The following DIXDC1 variants were observed in gnomAD, a reference collection of about 807,000 sequenced individuals.
The protein encoded by DIXDC1 is DIX domain containing 1.
DIXDC1 carries 64 observed loss-of-function variants against 103.1 expected under a neutral mutation model. That is an observed-to-expected ratio of 0.62 (90% CI 0.51 to 0.76). The LOEUF is 0.76. Among genes scored for constraint, DIXDC1 ranks in the 30% least tolerant of loss-of-function variants. The probability of loss-of-function intolerance (pLI) is 0.00; values close to 1 mark genes in which losing one functional copy is unlikely to be tolerated. For missense variants in DIXDC1, 759 were observed against 834.2 expected (o/e 0.91, Z 1.11); for synonymous variants, 266 against 298.5 (o/e 0.89, Z 1.12).
At chr11:111,982,092 G>A (rs1555173280) in intron 6 of DIXDC1, 1 of 325,198 alleles carries the variant, frequency 3.1e-6, no homozygotes, top group African/African-American at 2.1e-5. Flanking sequence ...CCCGTGGAGG[G>A]AATCTTAATA....
chr11:111,935,578 T>G (rs1966164285), upstream of DIXDC1, among the ~76,000 whole-genome samples: 1 of 152,232 alleles, frequency 6.6e-6, no homozygotes. Context: ...TTTTGCATCA[T>G]TATGCACGTA....
chr11:111,998,166 TTTC>T lies in DIXDC1; in HGVS notation c.1756+2030_1756+2032del, dbSNP rs1189038034. Among the ~76,000 whole-genome samples the T allele has an allele frequency of 6.6e-6, 1 of 152,246 alleles. No individual in the cohort carries two copies. The highest frequency in any genetic ancestry group is 1.5e-5 in the Non-Finnish European group (1 of 68,042). The stretch of plus-strand genomic sequence containing the variant: ...TATTCTCTAAAAGTCTCCTGGAAAC[TTTC>T]TTCTTCTTCAGTTTCAGTGTCATTC... On this transcript the variant is annotated intron_variant, in intron 17 of 19. Coordinates refer to ENST00000440460, the MANE Select transcript of DIXDC1 (RefSeq NM_001037954.4). The surrounding 1 kb of genome is among the most constrained non-coding windows in gnomAD (Gnocchi z 4.1).
intron 4 of DIXDC1, among the ~76,000 whole-genome samples, chr11:111,974,544 G>A (rs1251338417): frequency 2.0e-5 from 3 of 152,170 alleles, no homozygotes; most frequent in African/African-American, 7.2e-5. Context: ...TCTTCACTGG[G>A]AGGTCCGTGG....
rs587633034 is a variant in DIXDC1, at chr11:111,977,467, G to A, written c.656+2484G>A. The A allele has an allele frequency of 4.8e-4, 625 of 1,295,784 alleles. 2 individuals are homozygous for A. In the African/African-American group the frequency reaches 9.0e-3, roughly 19 times the overall value. 80.3% of individuals were successfully genotyped at this position (1,295,784 alleles called of 1,614,324 possible). A position where few individuals can be genotyped will look rare whatever the true frequency, so the allele number is the denominator to read the frequency against. ...CGGAGGCCAAGATGCAGCGGCCAGGGGCCGGCAGCCTGCGAGGGGAGGCAG... is the reference window on the plus strand; with the variant it reads ...CGGAGGCCAAGATGCAGCGGCCAGGAGCCGGCAGCCTGCGAGGGGAGGCAG... On this transcript the variant is annotated intron_variant, in intron 5 of 19. Coordinates refer to ENST00000440460, the MANE Select transcript of DIXDC1 (RefSeq NM_001037954.4). This position sits in a 1 kb window ranked among gnomAD's most constrained non-coding sequence, Gnocchi z 6.1.
chr11:111,982,178 T>G, intron 6 of DIXDC1, 161 bp from the exon 7 acceptor site: 1 of 655,788 alleles, frequency 1.5e-6, no homozygotes. Context: ...CAGCCAATTC[T>G]TTAGGCCTCA....
chr11:111,959,172 A>G (rs1307418453), intron 1 of DIXDC1, among the ~76,000 whole-genome samples: 2 of 152,208 alleles, frequency 1.3e-5, no homozygotes, highest in East Asian at 1.9e-4. Context: ...TAACACCAAC[A>G]GGTCTGAAAC....
At chr11:111,932,869 T>A (rs990237791), upstream of DIXDC1, among the ~76,000 whole-genome samples, 22 of 152,194 alleles carry the variant, frequency 1.4e-4, no homozygotes, top group African/African-American at 5.1e-4. Context: ...TGTATATTTA[T>A]GTGTAACTGT....
intron 1 of DIXDC1, among the ~76,000 whole-genome samples, chr11:111,938,551 T>A (rs2096521603): frequency 6.6e-6 from 1 of 152,218 alleles, no homozygotes; most frequent in Admixed American, 6.5e-5. Flanking sequence ...AATATGAGCA[T>A]TTGATAGGCA....
rs587696500 is a variant in DIXDC1 at position 111,952,037 on chromosome 11, T to A, written c.61-12512T>A. ...TGTGCCACCACACCTGGCTAATTTT[T>A]GTATTTTTAGTACAGATGGGGTTTC... On this transcript the variant is annotated intron_variant, in intron 1 of 19. Coordinates refer to ENST00000440460, the MANE Select transcript of DIXDC1 (RefSeq NM_001037954.4). Among the ~76,000 whole-genome samples, 3 of 152,222 alleles carry A rather than the reference T, an allele frequency of 2.0e-5. No individual in the cohort carries two copies. The South Asian group carries it at 6.2e-4, about 32-fold the overall frequency.
chr11:111,953,570 G>A (rs1222511830), intron 1 of DIXDC1, among the ~76,000 whole-genome samples: 1 of 152,114 alleles, frequency 6.6e-6, no homozygotes, highest in African/African-American at 2.4e-5. Flanking sequence ...CCCGGGAGGT[G>A]GAGGTTGTAG....
intron 17 of DIXDC1, among the ~76,000 whole-genome samples, chr11:111,999,580 T>C (rs1260292282): frequency 6.6e-6 from 1 of 152,128 alleles, no homozygotes; most frequent in Admixed American, 6.6e-5. Context: ...AAAGATAAAA[T>C]TGGGCTGGGC....
At chr11:112,002,136 C>T (rs991482656) in intron 17 of DIXDC1, among the ~76,000 whole-genome samples, 1 of 151,928 alleles carries the variant, frequency 6.6e-6, no homozygotes, top group South Asian at 2.1e-4. Context: ...AATTTGCACC[C>T]ACTTGCAGAC....
intron 17 of DIXDC1, among the ~76,000 whole-genome samples, chr11:112,013,724 T>C (rs1433621843): frequency 2.6e-5 from 4 of 152,180 alleles, no homozygotes; most frequent in African/African-American, 9.7e-5. Context: ...GGCTACATCT[T>C]TCCTATCATC....
At position 112,021,956 on chromosome 11, in the gene DIXDC1, G is replaced by A. The variant is rs1861773333; in HGVS notation, c.*2920G>A. On this transcript the variant is annotated 3_prime_UTR_variant, in exon 20 of 20. Transcript: ENST00000440460. ...ATCATGCCACTGCACTCTAGCCTAG[G>A]CTACAGAGCAGGACCCCATCTCCAA... The A allele has an allele frequency of 6.9e-6, 1 of 144,984 alleles. No homozygotes were observed. The highest frequency in any genetic ancestry group is 1.5e-5 in the Non-Finnish European group (1 of 67,292). 9.0% of individuals were successfully genotyped at this position (144,984 alleles called of 1,614,324 possible).
rs7936048 is a variant in DIXDC1, at chr11:111,985,343, T to C, written c.1008+22T>C. On this transcript the variant is annotated intron_variant, in intron 8 of 19. Coordinates refer to ENST00000440460, the MANE Select transcript of DIXDC1 (RefSeq NM_001037954.4). ...ACTGGTGAGCTCCATCTTTTGTGAT[T>C]GGACACTAAATCTGTATGTATTTTA... The C allele has an allele frequency of 2.5e-4, 397 of 1,585,206 alleles. 1 individual carries two copies. In the African/African-American group the frequency reaches 4.8e-3, roughly 19 times the overall value.
intron 17 of DIXDC1, among the ~76,000 whole-genome samples, chr11:112,001,723 C>T (rs976948550): frequency 6.6e-6 from 1 of 151,614 alleles, no homozygotes; most frequent in African/African-American, 2.4e-5. Flanking sequence ...GAAGATGGGG[C>T]CACTATACAA....
At chr11:111,974,329 A>G (rs1860029606) in intron 4 of DIXDC1, 75 bp downstream of exon 4, 2 of 1,407,274 alleles carry the variant, frequency 1.4e-6, no homozygotes, top group African/African-American at 1.4e-5. Context: ...ACAGTGCAGT[A>G]GATAGAAACG....
At position 112,022,421 on chromosome 11, in the gene DIXDC1, T is replaced by C. The variant is rs587740907; in HGVS notation, c.*3385T>C. The C allele has an allele frequency of 9.2e-4, 140 of 152,780 alleles. 1 individual carries two copies. The highest frequency in any genetic ancestry group is 3.0e-3 in the African/African-American group (126 of 41,592). The allele number at this position is 152,780 out of a possible 1,614,324, so 9.5% of individuals were successfully genotyped here. On this transcript the variant is annotated 3_prime_UTR_variant, in exon 20 of 20. Coordinates refer to ENST00000440460, the MANE Select transcript of DIXDC1 (RefSeq NM_001037954.4). The surrounding 1 kb of genome is among the most constrained non-coding windows in gnomAD (Gnocchi z 4.9). ...CCATTGCTTTCAAAGAGATTATTAC[T>C]GTGTATTCTCCCTGTTTTACAATAT...
intron 3 of DIXDC1, among the ~76,000 whole-genome samples, chr11:111,970,904 G>A (rs1859899819): frequency 6.6e-6 from 1 of 152,050 alleles, no homozygotes; most frequent in Non-Finnish European, 1.5e-5. Flanking sequence ...AATGGTGCTG[G>A]GATAACTGGC....
Sources: gnomAD v4.1 joint callset for allele counts (sites outside exome capture counted in the v4.1 genomes callset) on GRCh38, gnomAD v4.1.1 for gene constraint, Gnocchi (gnomAD v3.1) non-coding constraint, MANE v1.5 for transcripts, NCBI Gene and HGNC (gene_info 2026-07-23, HGNC 2026-07-21) for gene names.